Variants in MTMR8 observed in about 807,000 individuals in gnomAD.
The protein encoded by MTMR8 is myotubularin related protein 8.
In MTMR8, 65 loss-of-function variants were observed where a neutral mutation model predicts 39.3. The observed-to-expected ratio is 1.65, with a 90% CI of 1.35 to 2.03. The LOEUF is 2.03. MTMR8 is among the 30% of genes most tolerant of loss of function. The probability of loss-of-function intolerance (pLI) is 0.00; values close to 1 mark genes in which losing one functional copy is unlikely to be tolerated. For missense variants in MTMR8, 777 were observed against 538.9 expected (o/e 1.44, Z -4.37); for synonymous variants, 245 against 185.2 (o/e 1.32, Z -2.62).
chrX:64,315,824 G>A lies in MTMR8; in HGVS notation c.1481+12948C>T, dbSNP rs1482757356. ...GTTTTCTTGTCATGCCTTCCTGTGG[G>A]TTACTTTTTTACAATTTCATTTTGA... On this transcript the variant is annotated intron_variant, in intron 12 of 13. Transcript: ENST00000374852. Among the ~76,000 whole-genome samples the A allele has an allele frequency of 4.5e-5, 5 of 111,066 alleles. No homozygotes were observed. The East Asian group carries it at 1.4e-3, about 31-fold the overall frequency.
At chrX:64,317,313 T>C (rs1922496306) in intron 12 of MTMR8, among the ~76,000 whole-genome samples, 1 of 110,919 alleles carries the variant, frequency 9.0e-6, no homozygotes, top group Non-Finnish European at 1.9e-5. Flanking sequence ...TCCTCTTTCC[T>C]TCCAAGTTTC....
intron 12 of MTMR8, among the ~76,000 whole-genome samples, chrX:64,288,312 T>A (rs201724639): frequency 9.0e-5 from 10 of 111,028 alleles, no homozygotes; most frequent in South Asian, 3.8e-4. Context: ...TCAAAACCAC[T>A]ATGAGATACC....
chrX:64,294,262 T>C (rs896871509), intron 12 of MTMR8, among the ~76,000 whole-genome samples: 5 of 111,942 alleles, frequency 4.5e-5, no homozygotes, highest in Non-Finnish European at 9.4e-5. Context: ...CATGGAGTTA[T>C]AGACTTGCCT....
At chrX:64,393,400 C>T (rs1392034609) in intron 1 of MTMR8, among the ~76,000 whole-genome samples, 1 of 112,092 alleles carries the variant, frequency 8.9e-6, no homozygotes, top group African/African-American at 3.2e-5. Flanking sequence ...CTTCTCCCTT[C>T]CAATTTCCAT....
intron 8 of MTMR8, 144 bp downstream of exon 8, chrX:64,343,466 TG>T (rs1219097137): frequency 2.5e-6 from 1 of 399,001 alleles, no homozygotes; most frequent in Non-Finnish European, 4.3e-6. Context: ...AAAAGAGACT[TG>T]CCCAAGGGCA....
At chrX:64,330,825 A>G (rs7059932) in intron 11 of MTMR8, among the ~76,000 whole-genome samples, 26,906 of 111,394 alleles carry the variant, frequency 0.24, 7,713 homozygotes, top group African/African-American at 0.83. Flanking sequence ...ATAGTCTAGT[A>G]TTGCCAGAGC....
chrX:64,355,059 G>T, intron 3 of MTMR8, 125 bp from the exon 4 acceptor site: 1 of 564,648 alleles, frequency 1.8e-6, no homozygotes, highest in East Asian at 4.0e-5. Context: ...CCCAGAAAAG[G>T]ACTGTGGTGT....
At chrX:64,388,914 T>A (rs1298882809) in intron 1 of MTMR8, among the ~76,000 whole-genome samples, 1 of 111,943 alleles carries the variant, frequency 8.9e-6, no homozygotes, top group East Asian at 2.8e-4. Context: ...CTTGTGGGAC[T>A]AGTGTTCATC....
intron 12 of MTMR8, among the ~76,000 whole-genome samples, chrX:64,287,067 T>C (rs1296198137): frequency 4.5e-5 from 5 of 111,656 alleles, no homozygotes; most frequent in Non-Finnish European, 7.5e-5. Context: ...GAAAACCCCA[T>C]TGTCTCAGCC....
chrX:64,391,980 T>A (rs1253011665), intron 1 of MTMR8, among the ~76,000 whole-genome samples: 1 of 111,817 alleles, frequency 8.9e-6, no homozygotes, highest in Non-Finnish European at 1.9e-5. Flanking sequence ...AGAAAAGTAA[T>A]TAAGAATTCT....
chrX:64,347,174 G>A (rs1024784968), intron 6 of MTMR8, among the ~76,000 whole-genome samples: 8 of 110,727 alleles, frequency 7.2e-5, no homozygotes, highest in African/African-American at 2.6e-4. Flanking sequence ...ATCCAGAAGA[G>A]AGGGAATGCC....
chrX:64,365,665 T>G (rs975739675), intron 1 of MTMR8, among the ~76,000 whole-genome samples: 3 of 111,600 alleles, frequency 2.7e-5, no homozygotes, highest in Non-Finnish European at 5.6e-5. Context: ...CAGGCTAAAT[T>G]GTAAAGATCA....
At chrX:64,300,273 G>A (rs1202326967) in intron 12 of MTMR8, among the ~76,000 whole-genome samples, 3 of 111,165 alleles carry the variant, frequency 2.7e-5, no homozygotes, top group African/African-American at 6.5e-5. Context: ...CCTGTATTGG[G>A]TGCACATATA....
At chrX:64,274,307 T>C (rs1931826267) in intron 12 of MTMR8, among the ~76,000 whole-genome samples, 1 of 112,133 alleles carries the variant, frequency 8.9e-6, no homozygotes, top group Non-Finnish European at 1.9e-5. Flanking sequence ...TAAAGGAAAC[T>C]TGTAAAGTTA....
chrX:64,303,155 G>T (rs766465294), intron 12 of MTMR8, among the ~76,000 whole-genome samples: 1 of 111,482 alleles, frequency 9.0e-6, no homozygotes, highest in South Asian at 3.6e-4. Flanking sequence ...ACAGCACTTT[G>T]TATTGTAACC....
chrX:64,279,295 C>T (rs764230143), intron 12 of MTMR8, among the ~76,000 whole-genome samples: 28 of 112,093 alleles, frequency 2.5e-4, no homozygotes, highest in Admixed American at 1.8e-3. Flanking sequence ...GCTAATATTG[C>T]TGATGTTGAA....
chrX:64,315,904 T>TGC (rs1433152124), intron 12 of MTMR8, among the ~76,000 whole-genome samples: 52 of 111,421 alleles, frequency 4.7e-4, no homozygotes, highest in Non-Finnish European at 7.5e-4. Flanking sequence ...CAGTGGTTTC[T>TGC]CTAGGCAGTA....
At chrX:64,282,460 C>T (rs1007453770) in intron 12 of MTMR8, among the ~76,000 whole-genome samples, 1 of 110,501 alleles carries the variant, frequency 9.0e-6, no homozygotes, top group Non-Finnish European at 1.9e-5. Context: ...ACCTATGTAA[C>T]AAACCTGCAC....
chrX:64,348,486 G>A (rs5964767), intron 6 of MTMR8, among the ~76,000 whole-genome samples, 174 bp downstream of exon 6: 26,525 of 111,148 alleles, frequency 0.24, 7,579 homozygotes, highest in African/African-American at 0.82. Context: ...CTTGACAGTG[G>A]CAACCTTATA....
Sources: allele counts gnomAD v4.1 joint callset (sites outside exome capture counted in the v4.1 genomes callset), GRCh38; gene constraint gnomAD v4.1.1; transcripts MANE v1.5; gene names NCBI Gene and HGNC (gene_info 2026-07-23, HGNC 2026-07-21).